TMEM87B: variants seen among roughly 807,000 people sequenced by gnomAD.
TMEM87B encodes transmembrane protein 87B.
TMEM87B carries 83 observed loss-of-function variants against 80.3 expected under a neutral mutation model. The ratio of observed to expected loss-of-function variants is 1.03; its 90% confidence interval spans 0.87 to 1.24. The LOEUF (loss-of-function observed/expected upper bound fraction) is 1.24. Ranked by LOEUF, TMEM87B falls within the 50% of genes most tolerant of loss-of-function variation. TMEM87B has a pLI of 0.00. For synonymous variants in TMEM87B, 219 were observed against 230.5 expected, an observed-to-expected ratio of 0.95 and a Z score of 0.45; for missense variants, 625 against 674.4, an observed-to-expected ratio of 0.93 and a Z score of 0.81.
At chr2:112,099,525 C>CATATATATATATATATATATATATATAT (rs778514391) in intron 14 of TMEM87B, among the ~76,000 whole-genome samples, 1 of 122,820 alleles carries the variant, frequency 8.1e-6, no homozygotes, top group African/African-American at 3.3e-5. Flanking sequence ...TACAATAATA[C>CATATATATATATATATATATATATATAT]ATATATATAT....
At chr2:112,061,092 A>C (rs1433477236) in intron 2 of TMEM87B, among the ~76,000 whole-genome samples, 1 of 152,238 alleles carries the variant, frequency 6.6e-6, no homozygotes, top group African/African-American at 2.4e-5. Flanking sequence ...GCTGGACAAC[A>C]TTTTAATTAG....
intron 1 of TMEM87B, among the ~76,000 whole-genome samples, chr2:112,057,161 C>T (rs770863097): frequency 4.5e-4 from 69 of 152,188 alleles, no homozygotes; most frequent in Admixed American, 2.0e-4. Context: ...GTCTAAAAGC[C>T]CTTCTCTCCC....
intron 10 of TMEM87B, 97 bp from the exon 11 acceptor site, chr2:112,091,615 T>G: frequency 1.3e-4 from 106 of 815,400 alleles, no homozygotes; most frequent in Non-Finnish European, 1.8e-4. Flanking sequence ...TGTAAAGTAA[T>G]GAGATAAGCT....
chr2:112,099,223 C>T (rs896557952), intron 14 of TMEM87B, among the ~76,000 whole-genome samples: 1 of 152,052 alleles, frequency 6.6e-6, no homozygotes, highest in Non-Finnish European at 1.5e-5. Context: ...AGTTCTTGTC[C>T]ATCCTTTAGG....
intron 14 of TMEM87B, among the ~76,000 whole-genome samples, chr2:112,099,453 G>T (rs1047426525): frequency 3.3e-5 from 5 of 149,388 alleles, no homozygotes; most frequent in Non-Finnish European, 7.4e-5. Flanking sequence ...CTGGTCTCAG[G>T]CATTTTGCAT....
intron 8 of TMEM87B, among the ~76,000 whole-genome samples, chr2:112,082,407 A>G (rs529659767): frequency 2.0e-5 from 3 of 152,234 alleles, no homozygotes; most frequent in East Asian, 3.9e-4. Context: ...TGTGTCTGTT[A>G]CTTATTTTGA....
At chr2:112,071,077 G>A (rs537944852) in intron 4 of TMEM87B, among the ~76,000 whole-genome samples, 5 of 151,724 alleles carry the variant, frequency 3.3e-5, no homozygotes, top group African/African-American at 7.3e-5. Flanking sequence ...CACCCGCCTC[G>A]GCCTCCAAAG....
chr2:112,055,984 G>A (rs1206577424), intron 1 of TMEM87B, among the ~76,000 whole-genome samples: 1 of 152,212 alleles, frequency 6.6e-6, no homozygotes, highest in East Asian at 1.9e-4. Context: ...GCATGGGACG[G>A]CCCTCGGGTC....
intron 16 of TMEM87B, 80 bp downstream of exon 16, chr2:112,106,155 C>T: frequency 1.1e-6 from 1 of 871,352 alleles, no homozygotes; most frequent in Non-Finnish European, 1.6e-6. Context: ...GTGTCATATT[C>T]ATTGACTCTC....
At chr2:112,058,690 GCTGT>G (rs1368262666) in intron 1 of TMEM87B, among the ~76,000 whole-genome samples, 1 of 152,198 alleles carries the variant, frequency 6.6e-6, no homozygotes, top group African/African-American at 2.4e-5. Context: ...CACTATGGCT[GCTGT>G]CTAAAGATGA....
intron 3 of TMEM87B, 71 bp from the exon 4 acceptor site, chr2:112,066,865 T>C (rs1678451494): frequency 7.3e-7 from 1 of 1,363,734 alleles, no homozygotes; most frequent in Non-Finnish European, 9.8e-7. Flanking sequence ...TATTTAGACA[T>C]TAACTTTTAT....
intron 13 of TMEM87B, 109 bp from the exon 14 acceptor site, chr2:112,098,486 A>T: frequency 1.1e-6 from 1 of 935,130 alleles, no homozygotes; most frequent in Non-Finnish European, 1.7e-6. Flanking sequence ...TGGAAGACTT[A>T]CTGGTTGGAA....
At position 112,081,056 on chromosome 2, in the gene TMEM87B, G is replaced by A; in HGVS notation, c.593-1G>A. On this transcript the variant is annotated splice_acceptor_variant, in intron 6 of 18. Coordinates refer to ENST00000283206, the MANE Select transcript of TMEM87B (RefSeq NM_032824.3). LOFTEE classifies it high-confidence loss of function. ...TAACTCTCTCTTCTTCTCTATCCTAGTTTCTCTTTCTATGATTGGGCCTCA... is the reference window on the plus strand; with the variant it reads ...TAACTCTCTCTTCTTCTCTATCCTAATTTCTCTTTCTATGATTGGGCCTCA... The A allele has an allele frequency of 6.2e-7, 1 of 1,611,358 alleles. No individual in the cohort carries two copies. The highest frequency in any genetic ancestry group is 8.5e-7 in the Non-Finnish European group (1 of 1,178,624).
rs753623692 is a variant in TMEM87B at position 112,055,753 on chromosome 2, C to T, written c.162C>T (p.Asn54=). 3.4e-6 allele frequency: 5 copies of T among 1,485,424 alleles called. No homozygotes were observed. The South Asian group carries it at 4.1e-5, about 12-fold the overall frequency. The allele number at this position is 1,485,424 out of a possible 1,614,324, so 92.0% of individuals were successfully genotyped here. A position where few individuals can be genotyped will look rare whatever the true frequency, so the allele number is the denominator to read the frequency against. Residue 54 remains asparagine (N), a synonymous_variant, in exon 1 of 19, where the codon AAC becomes AAT. Transcript: ENST00000283206. ...PELGLWLETV[N]DKSGPLIFRK... ...TCGGGCTCTGGTTAGAGACAGTCAA[C>T]GACGTAAGTGGAGTGTCGGGACCCA...
At chr2:112,109,621 A>C (rs567075010) in intron 17 of TMEM87B, among the ~76,000 whole-genome samples, 1 of 78,224 alleles carries the variant, frequency 1.3e-5, no homozygotes, top group South Asian at 3.3e-4. Context: ...TTTCCTTTAT[A>C]TTTGGCTTTC....
rs372287199 is a variant in TMEM87B at position 112,091,864 on chromosome 2, G to C, written c.1104+81G>C. 67 of 1,138,672 alleles carry C rather than the reference G, an allele frequency of 5.9e-5. No individual in the cohort carries two copies. In the East Asian group the frequency reaches 1.2e-3, roughly 21 times the overall value. The allele number at this position is 1,138,672 out of a possible 1,614,324, so 70.5% of individuals were successfully genotyped here. A position where few individuals can be genotyped will look rare whatever the true frequency, so the allele number is the denominator to read the frequency against. On this transcript the variant is annotated intron_variant, in intron 11 of 18. Coordinates refer to ENST00000283206, the MANE Select transcript of TMEM87B (RefSeq NM_032824.3). ...ATGTAATTTGTAATAACAATAGAAA[G>C]AAATACAGTTATGCATTTTTGTTAC...
At position 112,093,932 on chromosome 2, in the gene TMEM87B, T is replaced by G. The variant is rs561559233; in HGVS notation, c.1104+2149T>G. Among the ~76,000 whole-genome samples, 5 of 152,294 alleles carry G rather than the reference T, an allele frequency of 3.3e-5. No individual in the cohort carries two copies. In the South Asian group the frequency reaches 8.3e-4, roughly 25 times the overall value. On this transcript the variant is annotated intron_variant, in intron 11 of 18. Transcript: ENST00000283206. ...GAACCTGCCTGTTGACCTCAGATTA[T>G]CTTTAGATCTTACTGTCTTATTTTC... is the stretch of plus-strand genomic sequence containing the variant.
intron 14 of TMEM87B, 56 bp downstream of exon 14, chr2:112,098,754 T>C: frequency 1.3e-6 from 2 of 1,511,000 alleles, no homozygotes; most frequent in Admixed American, 1.7e-5. Context: ...CCTTCTATAG[T>C]GTCAAGAACA....
intron 15 of TMEM87B, among the ~76,000 whole-genome samples, chr2:112,102,135 A>C (rs1679646554): frequency 6.6e-6 from 1 of 152,226 alleles, no homozygotes; most frequent in South Asian, 2.1e-4. Flanking sequence ...AAGGTAAAGG[A>C]GGTGGGAGTA....
Sources: gnomAD v4.1 joint callset for allele counts (sites outside exome capture counted in the v4.1 genomes callset) on GRCh38, gnomAD v4.1.1 for gene constraint, MANE v1.5 for transcripts, NCBI Gene and HGNC (gene_info 2026-07-23, HGNC 2026-07-21) for gene names.